Variants in SRPK2 observed in about 807,000 individuals in gnomAD.
SRPK2 encodes SFRS protein kinase 2.
A neutral mutation model predicts 90.8 loss-of-function variants in SRPK2; 21 were observed. The observed-to-expected ratio is 0.23, with a 90% CI of 0.16 to 0.33. The LOEUF (loss-of-function observed/expected upper bound fraction) is 0.33. Among genes scored for constraint, SRPK2 ranks in the 10% least tolerant of loss-of-function variants. The pLI is 1.00. For synonymous variants in SRPK2, 288 were observed against 311.1 expected, an observed-to-expected ratio of 0.93 and a Z score of 0.78; for missense variants, 620 against 869.0, an observed-to-expected ratio of 0.71 and a Z score of 3.60.
intron 2 of SRPK2, among the ~76,000 whole-genome samples, chr7:105,327,931 G>T (rs1813781605): frequency 6.6e-6 from 1 of 152,174 alleles, no homozygotes; most frequent in African/African-American, 2.4e-5. Context: ...CTCCCGAGTA[G>T]CCGGGACTAC....
At chr7:105,218,509 G>C (rs746021692) in intron 2 of SRPK2, among the ~76,000 whole-genome samples, 1 of 152,094 alleles carries the variant, frequency 6.6e-6, no homozygotes, top group Non-Finnish European at 1.5e-5. Context: ...GTGAGTTTAT[G>C]GTCCAAACAC....
At chr7:105,362,300 T>C (rs937352643) in intron 2 of SRPK2, among the ~76,000 whole-genome samples, 5 of 152,036 alleles carry the variant, frequency 3.3e-5, no homozygotes, top group African/African-American at 4.8e-5. Context: ...CCAGTTAGAA[T>C]GGCGATCATT....
chr7:105,181,091 C>T (rs1413906618), intron 3 of SRPK2, among the ~76,000 whole-genome samples: 5 of 152,022 alleles, frequency 3.3e-5, no homozygotes, highest in Non-Finnish European at 7.4e-5. Flanking sequence ...AGAAGACGTA[C>T]ATGCGGCCAA....
chr7:105,320,132 T>C (rs180923032), intron 2 of SRPK2, among the ~76,000 whole-genome samples: 1 of 152,322 alleles, frequency 6.6e-6, no homozygotes, highest in East Asian at 1.9e-4. Context: ...GATTTTGCTA[T>C]ATATTTAAGG....
chr7:105,171,961 T>G (rs913066599), intron 3 of SRPK2, among the ~76,000 whole-genome samples: 1 of 152,160 alleles, frequency 6.6e-6, no homozygotes, highest in East Asian at 1.9e-4. Context: ...ACTGGCCATC[T>G]CGGCTCACTG....
chr7:105,358,849 G>A (rs1394895803), intron 2 of SRPK2, among the ~76,000 whole-genome samples: 1 of 152,012 alleles, frequency 6.6e-6, no homozygotes, highest in African/African-American at 2.4e-5. Context: ...TGTACAACAA[G>A]CATGGCACCA....
At chr7:105,336,385 T>C (rs1318920174) in intron 2 of SRPK2, among the ~76,000 whole-genome samples, 1 of 152,208 alleles carries the variant, frequency 6.6e-6, no homozygotes. Flanking sequence ...AATACCATTA[T>C]AATTTATTAG....
chr7:105,265,267 A>G (rs1308035510), intron 2 of SRPK2, among the ~76,000 whole-genome samples: 1 of 152,186 alleles, frequency 6.6e-6, no homozygotes, highest in Non-Finnish European at 1.5e-5. Context: ...ATAAAATACA[A>G]CAATAATACA....
At chr7:105,271,583 A>T (rs1230087875) in intron 2 of SRPK2, among the ~76,000 whole-genome samples, 10 of 152,190 alleles carry the variant, frequency 6.6e-5, no homozygotes, top group Admixed American at 6.5e-4. Flanking sequence ...GAAGCCATTT[A>T]ACTGATTTCC....
chr7:105,342,037 G>A (rs1815867895), intron 2 of SRPK2, among the ~76,000 whole-genome samples: 1 of 152,116 alleles, frequency 6.6e-6, no homozygotes, highest in South Asian at 2.1e-4. Context: ...GCCAAGGTGG[G>A]CGGATCAGCT....
intron 7 of SRPK2, among the ~76,000 whole-genome samples, chr7:105,156,202 C>G (rs1233019721): frequency 6.6e-6 from 1 of 152,114 alleles, no homozygotes; most frequent in Non-Finnish European, 1.5e-5. Context: ...AATGGTAAAC[C>G]CATGAGCTCT....
chr7:105,375,917 C>A (rs1055180343), intron 2 of SRPK2, among the ~76,000 whole-genome samples: 5 of 148,058 alleles, frequency 3.4e-5, no homozygotes, highest in African/African-American at 1.2e-4. Context: ...ACTCAGAAGG[C>A]TAAAGCAGGA....
chr7:105,211,244 A>ATT (rs879615915), intron 2 of SRPK2, among the ~76,000 whole-genome samples: 2 of 147,378 alleles, frequency 1.4e-5, no homozygotes, highest in Non-Finnish European at 3.0e-5. Context: ...AAAAGATCTG[A>ATT]TTTTTTTTTT....
chr7:105,280,945 C>G (rs1399672776), intron 2 of SRPK2, among the ~76,000 whole-genome samples: 2 of 24,630 alleles, frequency 8.1e-5, no homozygotes, highest in African/African-American at 3.9e-4. Flanking sequence ...AAGACTCCAT[C>G]TCAAAAAAAA....
At chr7:105,197,051 A>AAAAAT (rs1178556458) in intron 3 of SRPK2, among the ~76,000 whole-genome samples, 1 of 152,128 alleles carries the variant, frequency 6.6e-6, no homozygotes, top group African/African-American at 2.4e-5. Context: ...CCATCTCATA[A>AAAAAT]AAAATAAAAT....
At chr7:105,264,805 C>G (rs2299327) in intron 2 of SRPK2, among the ~76,000 whole-genome samples, 6 of 151,960 alleles carry the variant, frequency 3.9e-5, no homozygotes, top group African/African-American at 1.5e-4. Context: ...TCACACTGAA[C>G]AGCAGATGTG....
chr7:105,115,918 A>G (rs1000205829), downstream of SRPK2, among the ~76,000 whole-genome samples: 2 of 152,184 alleles, frequency 1.3e-5, no homozygotes, highest in African/African-American at 4.8e-5. Context: ...TACAGCCACT[A>G]TCTATCACAG....
At chr7:105,342,796 G>A (rs1815982444) in intron 2 of SRPK2, among the ~76,000 whole-genome samples, 2 of 152,064 alleles carry the variant, frequency 1.3e-5, no homozygotes, top group Admixed American at 1.3e-4. Flanking sequence ...CCTGGATAGG[G>A]AAAAACAGAT....
At chr7:105,180,125 C>G (rs552599641) in intron 3 of SRPK2, among the ~76,000 whole-genome samples, 1 of 152,068 alleles carries the variant, frequency 6.6e-6, no homozygotes, top group Admixed American at 6.5e-5. Context: ...CAAGGCAATC[C>G]TAAGCAAAAA....
Sources: gnomAD v4.1 joint callset for allele counts (sites outside exome capture counted in the v4.1 genomes callset) on GRCh38, gnomAD v4.1.1 for gene constraint, MANE v1.5 for transcripts, NCBI Gene and HGNC (gene_info 2026-07-23, HGNC 2026-07-21) for gene names.